The following IPCEF1 variants were observed in gnomAD, a reference collection of about 807,000 sequenced individuals.
IPCEF1 encodes interaction protein for cytohesin exchange factors 1, also known as interactor protein for cytohesin exchange factors 1.
In IPCEF1, 31 loss-of-function variants were observed where a neutral mutation model predicts 50.9. The ratio of observed to expected loss-of-function variants is 0.61; its 90% confidence interval spans 0.46 to 0.82. The LOEUF (loss-of-function observed/expected upper bound fraction) is 0.82. IPCEF1 is among the 40% of genes least tolerant of loss of function. The pLI is 0.00. For synonymous variants in IPCEF1, 181 were observed against 192.0 expected (o/e 0.94, Z 0.47); for missense variants, 458 against 514.0 (o/e 0.89, Z 1.05).
At chr6:154,228,801 T>C (rs991168378) in intron 5 of IPCEF1, among the ~76,000 whole-genome samples, 1 of 152,212 alleles carries the variant, frequency 6.6e-6, no homozygotes, top group African/African-American at 2.4e-5. Context: ...GGCGGGAGGA[T>C]GACTTGAGGC....
At chr6:154,227,476 T>C (rs1779350302) in intron 5 of IPCEF1, among the ~76,000 whole-genome samples, 1 of 152,076 alleles carries the variant, frequency 6.6e-6, no homozygotes, top group African/African-American at 2.4e-5. Flanking sequence ...CCCAACACTT[T>C]TGGAGGCCAA....
At position 154,324,547 on chromosome 6, in the gene IPCEF1, C is replaced by G. The variant is rs370865727; in HGVS notation, c.-62+32125G>C. ...ACAAGACCAGGTGCAGTGGCTCACA[C>G]CTGTAATCCCAATATTTTGGGAGGC... On this transcript the variant is annotated intron_variant, in intron 1 of 11. Transcript: ENST00000367220. Among the ~76,000 whole-genome samples the G allele has an allele frequency of 2.1e-3, 318 of 152,302 alleles. 4 individuals carry two copies. The highest frequency in any genetic ancestry group is 7.4e-3 in the African/African-American group (306 of 41,566).
chr6:154,211,853 T>A (rs1334381914), intron 9 of IPCEF1, among the ~76,000 whole-genome samples: 1 of 152,018 alleles, frequency 6.6e-6, no homozygotes, highest in Non-Finnish European at 1.5e-5. Flanking sequence ...CATAGAATAA[T>A]AAATTAAGAA....
At chr6:154,325,617 T>C (rs1234783052) in intron 1 of IPCEF1, among the ~76,000 whole-genome samples, 2 of 152,098 alleles carry the variant, frequency 1.3e-5, no homozygotes, top group Non-Finnish European at 2.9e-5. Flanking sequence ...GGAATAGAGG[T>C]GGGGGTGACC....
intron 5 of IPCEF1, among the ~76,000 whole-genome samples, chr6:154,231,241 T>C (rs1226102338): frequency 6.6e-6 from 1 of 152,146 alleles, no homozygotes; most frequent in Non-Finnish European, 1.5e-5. Context: ...TGAAGAAAAG[T>C]TAGGATAAAA....
chr6:154,193,847 C>A (rs909287847), intron 10 of IPCEF1, among the ~76,000 whole-genome samples: 1 of 152,078 alleles, frequency 6.6e-6, no homozygotes, highest in Non-Finnish European at 1.5e-5. Context: ...TTTTTTTCTT[C>A]CAATGCTGTT....
At chr6:154,314,803 G>A (rs769582456) in intron 1 of IPCEF1, among the ~76,000 whole-genome samples, 2 of 151,956 alleles carry the variant, frequency 1.3e-5, no homozygotes, top group African/African-American at 2.4e-5. Flanking sequence ...AAAAATCTCA[G>A]GGATAAGCAC....
rs562284379 is a variant in IPCEF1, at chr6:154,156,066, C to T, written c.*3762G>A. 1.3e-5 allele frequency: 2 copies of T among 152,348 alleles called. No individual in the cohort carries two copies. Among genetic ancestry groups the T allele is most frequent in the South Asian group, 2.1e-4 (1 of 4,826 alleles). 9.4% of individuals were successfully genotyped at this position (152,348 alleles called of 1,614,324 possible). On this transcript the variant is annotated 3_prime_UTR_variant, in exon 12 of 12. Transcript: ENST00000367220. ...CCTCAAAAAGCAAACAAAATAAACA[C>T]TCTCCATTTCTTTAAATATATGTTT... is the stretch of plus-strand genomic sequence containing the variant.
chr6:154,333,788 T>C (rs1418580521), intron 1 of IPCEF1, among the ~76,000 whole-genome samples: 1 of 151,900 alleles, frequency 6.6e-6, no homozygotes, highest in African/African-American at 2.4e-5. Context: ...TGTATATGTG[T>C]ATATATGTAT....
intron 9 of IPCEF1, among the ~76,000 whole-genome samples, chr6:154,211,418 GAAA>G (rs78285288): frequency 2.8e-5 from 3 of 107,108 alleles, no homozygotes; most frequent in Admixed American, 9.7e-5. Flanking sequence ...CAAAAACAAA[GAAA>G]AAAAAAAAAA....
intron 10 of IPCEF1, among the ~76,000 whole-genome samples, chr6:154,174,336 T>C (rs1357201364): frequency 6.6e-6 from 1 of 152,136 alleles, no homozygotes; most frequent in Non-Finnish European, 1.5e-5. Context: ...TAACCTTAAA[T>C]GTAAATGGGC....
intron 3 of IPCEF1, among the ~76,000 whole-genome samples, chr6:154,258,615 A>G (rs1781518658): frequency 6.6e-6 from 1 of 152,178 alleles, no homozygotes; most frequent in South Asian, 2.1e-4. Context: ...ACCCATGTCC[A>G]GGTTGCTTCC....
chr6:154,159,214 G>T lies in IPCEF1; in HGVS notation c.*614C>A, dbSNP rs1798833294. On this transcript the variant is annotated 3_prime_UTR_variant, in exon 12 of 12. Transcript: ENST00000367220. ...GAAAACACCAAGCTGTCCTTTGAAT[G>T]AGTGGAATATGGAACACGCCTCCTC... 6.5e-6 allele frequency: 1 copy of T among 152,906 alleles called. No individual in the cohort carries two copies. The highest frequency in any genetic ancestry group is 2.4e-5 in the African/African-American group (1 of 41,454). The allele number at this position is 152,906 out of a possible 1,614,324, so 9.5% of individuals were successfully genotyped here. A position where few individuals can be genotyped will look rare whatever the true frequency, so the allele number is the denominator to read the frequency against.
Position 154,210,725 on chromosome 6 carries a change from A to G in IPCEF1, c.537+2045T>C, listed in dbSNP as rs142060310. On this transcript the variant is annotated intron_variant, in intron 9 of 11. Transcript: ENST00000367220. The stretch of plus-strand genomic sequence containing the variant: ...AGCTATGAATATAGTAAGAAAGAAT[A>G]ATATTATAAATGTAGTTCAAAAATT... 2.0e-5 allele frequency among the ~76,000 whole-genome samples: 3 copies of G among 152,352 alleles called. No homozygotes were observed. The East Asian group carries it at 5.8e-4, about 29-fold the overall frequency.
chr6:154,312,823 G>A (rs2499648), intron 1 of IPCEF1, among the ~76,000 whole-genome samples: 105,259 of 151,836 alleles, frequency 0.69, 36,735 homozygotes, highest in East Asian at 0.89. Context: ...GCTTGATTTC[G>A]CTATGCAACA....
intron 9 of IPCEF1, among the ~76,000 whole-genome samples, chr6:154,200,931 T>G (rs972350806): frequency 1.3e-5 from 2 of 152,156 alleles, no homozygotes; most frequent in Non-Finnish European, 2.9e-5. Context: ...AATCCCCACA[T>G]GTCGAGGGAG....
At chr6:154,317,006 A>T (rs994894624) in intron 1 of IPCEF1, among the ~76,000 whole-genome samples, 15 of 152,204 alleles carry the variant, frequency 9.9e-5, no homozygotes, top group African/African-American at 3.4e-4. Context: ...CTGAAACTAT[A>T]AAGCTTCCAG....
intron 1 of IPCEF1, among the ~76,000 whole-genome samples, chr6:154,323,323 G>A (rs1396873188): frequency 6.6e-6 from 1 of 151,898 alleles, no homozygotes; most frequent in African/African-American, 2.4e-5. Flanking sequence ...TGCTCCTTGG[G>A]GACAGGGAAC....
chr6:154,331,356 GAGAA>G (rs752263046), intron 1 of IPCEF1, among the ~76,000 whole-genome samples: 34 of 67,656 alleles, frequency 5.0e-4, no homozygotes, highest in African/African-American at 2.1e-3. Flanking sequence ...GGGAAGGAAA[GAGAA>G]AGAAAGAAAG....
Sources: allele counts gnomAD v4.1 joint callset (sites outside exome capture counted in the v4.1 genomes callset), GRCh38; gene constraint gnomAD v4.1.1; transcripts MANE v1.5; gene names NCBI Gene and HGNC (gene_info 2026-07-23, HGNC 2026-07-21).